SLC41A2: variants seen among roughly 807,000 people sequenced by gnomAD.
The protein encoded by SLC41A2 is SLC41A1-like 1.
A neutral mutation model predicts 58.3 loss-of-function variants in SLC41A2; 32 were observed. That is an observed-to-expected ratio of 0.55 (90% CI 0.41 to 0.74). The LOEUF is 0.74. Ranked by LOEUF, SLC41A2 falls within the 30% of genes least tolerant of loss-of-function variation. The pLI is 0.00. For synonymous variants in SLC41A2, 190 were observed against 235.0 expected (o/e 0.81, Z 1.75); for missense variants, 514 against 680.6 (o/e 0.76, Z 2.72).
chr12:104,807,769 G>A (rs542899952), intron 10 of SLC41A2, among the ~76,000 whole-genome samples: 3 of 152,300 alleles, frequency 2.0e-5, no homozygotes, highest in Non-Finnish European at 2.9e-5. Context: ...TCTCCTTGAA[G>A]AGGTCCTTCA....
At position 104,933,586 on chromosome 12, in the gene SLC41A2, T is replaced by G. The variant is rs548861687; in HGVS notation, c.-167-4892A>C. On this transcript the variant is annotated intron_variant, in intron 1 of 10. Coordinates refer to ENST00000258538, the MANE Select transcript of SLC41A2 (RefSeq NM_001352171.3). ...CAAAAAGACACTTGCACGCGTATGT[T>G]TATCTGTTTATTACAGCACAACTCA... is the stretch of plus-strand genomic sequence containing the variant. 1.4e-3 allele frequency among the ~76,000 whole-genome samples: 200 copies of G among 148,116 alleles called. 10 individuals are homozygous for G. The South Asian group carries it at 0.038, about 28-fold the overall frequency.
intron 5 of SLC41A2, among the ~76,000 whole-genome samples, chr12:104,888,671 G>C (rs947888153): frequency 6.6e-6 from 1 of 151,994 alleles, no homozygotes; most frequent in Non-Finnish European, 1.5e-5. Context: ...AGAATTCCTG[G>C]AACACTTGTT....
intron 8 of SLC41A2, among the ~76,000 whole-genome samples, chr12:104,846,200 G>A (rs1375697754): frequency 1.3e-5 from 2 of 152,120 alleles, no homozygotes; most frequent in Non-Finnish European, 2.9e-5. Context: ...TGGTATGCAA[G>A]CAGACCAGAG....
intron 3 of SLC41A2, among the ~76,000 whole-genome samples, chr12:104,898,992 T>C (rs1205193269): frequency 2.6e-5 from 4 of 152,200 alleles, no homozygotes; most frequent in Admixed American, 6.5e-5. Flanking sequence ...GGTAACAATG[T>C]AGAGCAACAG....
chr12:104,832,427 A>G (rs1170538944), intron 10 of SLC41A2, among the ~76,000 whole-genome samples: 1 of 152,186 alleles, frequency 6.6e-6, no homozygotes, highest in Non-Finnish European at 1.5e-5. Context: ...CTTTCTGGGA[A>G]AACAATAACT....
At chr12:104,955,620 A>G (rs925085848) in intron 1 of SLC41A2, among the ~76,000 whole-genome samples, 3 of 150,964 alleles carry the variant, frequency 2.0e-5, no homozygotes, top group Admixed American at 6.6e-5. Context: ...ACCTATCACA[A>G]TGGTCCTGAA....
intron 2 of SLC41A2, among the ~76,000 whole-genome samples, chr12:104,916,967 G>C (rs1313339395): frequency 6.6e-6 from 1 of 150,796 alleles, no homozygotes; most frequent in East Asian, 1.9e-4. Context: ...AGCCAAAATT[G>C]ACAAATGGGA....
intron 10 of SLC41A2, among the ~76,000 whole-genome samples, chr12:104,825,497 C>T (rs888564670): frequency 2.0e-5 from 3 of 152,198 alleles, no homozygotes; most frequent in East Asian, 3.9e-4. Context: ...GTTCTTCCCC[C>T]AGAATCTCCC....
intron 1 of SLC41A2, among the ~76,000 whole-genome samples, chr12:104,930,539 AC>A (rs1341542114): frequency 6.6e-6 from 1 of 152,138 alleles, no homozygotes; most frequent in Non-Finnish European, 1.5e-5. Flanking sequence ...TGCAAAACAA[AC>A]CCCAAAGAGA....
chr12:104,882,011 C>CAT (rs2044395987), intron 6 of SLC41A2, among the ~76,000 whole-genome samples: 1 of 152,140 alleles, frequency 6.6e-6, no homozygotes, highest in African/African-American at 2.4e-5. Context: ...GTATTGGGTG[C>CAT]ATATATATTT....
At chr12:104,857,856 T>TG (rs1451117217) in intron 8 of SLC41A2, among the ~76,000 whole-genome samples, 4 of 62,844 alleles carry the variant, frequency 6.4e-5, no homozygotes, top group Non-Finnish European at 8.5e-5. Context: ...TGTTGTGGGG[T>TG]GGGGGGAGGG....
At chr12:104,899,307 T>A (rs1267136640) in intron 3 of SLC41A2, among the ~76,000 whole-genome samples, 1 of 152,246 alleles carries the variant, frequency 6.6e-6, no homozygotes, top group Non-Finnish European at 1.5e-5. Context: ...TGAATATTAA[T>A]CATACATTTC....
At chr12:104,880,125 T>C (rs185696192) in intron 6 of SLC41A2, among the ~76,000 whole-genome samples, 16 of 152,324 alleles carry the variant, frequency 1.1e-4, no homozygotes, top group Admixed American at 9.2e-4. Context: ...TTGTCTGTTA[T>C]TGGTGTATAG....
chr12:104,881,742 G>T (rs1347485553), intron 6 of SLC41A2, among the ~76,000 whole-genome samples: 1 of 152,156 alleles, frequency 6.6e-6, no homozygotes, highest in Non-Finnish European at 1.5e-5. Context: ...CAACTATGTG[G>T]TCAATTTTGG....
chr12:104,895,175 A>T (rs2045218782), intron 4 of SLC41A2, 99 bp downstream of exon 4: 5 of 760,158 alleles, frequency 6.6e-6, no homozygotes, highest in Non-Finnish European at 1.1e-5. Context: ...GAAAACAATT[A>T]AAGGGTAGAC....
intron 10 of SLC41A2, among the ~76,000 whole-genome samples, chr12:104,806,499 A>G (rs1237058987): frequency 6.6e-6 from 1 of 152,198 alleles, no homozygotes; most frequent in African/African-American, 2.4e-5. Context: ...AGTCTTTGTT[A>G]TTGTGACTAG....
intron 1 of SLC41A2, among the ~76,000 whole-genome samples, chr12:104,950,299 C>T (rs2047902757): frequency 6.6e-6 from 1 of 152,080 alleles, no homozygotes; most frequent in South Asian, 2.1e-4. Context: ...GGGTTGGATT[C>T]CCCCACGCTG....
At chr12:104,850,610 A>G (rs1315334760) in intron 8 of SLC41A2, among the ~76,000 whole-genome samples, 1 of 152,224 alleles carries the variant, frequency 6.6e-6, no homozygotes, top group South Asian at 2.1e-4. Flanking sequence ...CCCCCCTTCT[A>G]AGCTGAGAGG....
intron 6 of SLC41A2, among the ~76,000 whole-genome samples, chr12:104,880,580 G>C (rs2044313125): frequency 1.3e-5 from 2 of 152,138 alleles, no homozygotes; most frequent in Admixed American, 1.3e-4. Flanking sequence ...TAACCATGTG[G>C]TTTTTGCCAT....
Sources: allele counts gnomAD v4.1 joint callset (sites outside exome capture counted in the v4.1 genomes callset), GRCh38; gene constraint gnomAD v4.1.1; transcripts MANE v1.5; gene names NCBI Gene and HGNC (gene_info 2026-07-23, HGNC 2026-07-21).